Variants in REV1 observed in about 807,000 individuals in gnomAD.
The protein encoded by REV1 is REV1 DNA directed polymerase.
Under a neutral mutation model 137.4 loss-of-function variants are expected in REV1, and 42 were observed. The ratio of observed to expected loss-of-function variants is 0.31; its 90% CI spans 0.24 to 0.40. The LOEUF (loss-of-function observed/expected upper bound fraction) is 0.40. Among genes scored for constraint, REV1 ranks in the 10% least tolerant of loss-of-function variants. The probability of loss-of-function intolerance (pLI) is 1.00; values close to 1 mark genes in which losing one functional copy is unlikely to be tolerated. For missense variants in REV1, 1,282 were observed against 1,490.1 expected, an observed-to-expected ratio of 0.86 and a Z score of 2.30; for synonymous variants, 524 against 519.2, an observed-to-expected ratio of 1.01 and a Z score of -0.12.
intron 14 of REV1, among the ~76,000 whole-genome samples, chr2:99,409,880 G>A (rs1387247855): frequency 5.5e-5 from 7 of 126,964 alleles, no homozygotes; most frequent in African/African-American, 8.8e-5. Context: ...AAAAAACAGC[G>A]TTTTTAAATG....
chr2:99,486,632 A>G (rs754941490), intron 1 of REV1, among the ~76,000 whole-genome samples: 10 of 152,262 alleles, frequency 6.6e-5, no homozygotes, highest in Non-Finnish European at 1.3e-4. Flanking sequence ...CATCCTACAG[A>G]TGAGCAGAAC....
In REV1 at chr2:99,487,647, A is replaced by C. The variant is rs1378318407; in HGVS notation, c.-11+2170T>G. ...GTTGGTGCTATTATAGTAAAAAAAAACTTTTCATTTTTAAATGTTCTGTTT... is the reference window on the plus strand; with the variant it reads ...GTTGGTGCTATTATAGTAAAAAAAACCTTTTCATTTTTAAATGTTCTGTTT... On this transcript the variant is annotated intron_variant, in intron 1 of 22. Transcript: ENST00000258428. Among the ~76,000 whole-genome samples, 24 of 119,088 alleles carry C rather than the reference A, an allele frequency of 2.0e-4. 7 individuals carry two copies. The highest frequency in any genetic ancestry group is 6.6e-4 in the African/African-American group (22 of 33,340). 78.1% of individuals were successfully genotyped at this position (119,088 alleles called of 152,430 possible). A position where few individuals can be genotyped will look rare whatever the true frequency, so the allele number is the denominator to read the frequency against.
At chr2:99,456,571 C>T (rs1362477120) in intron 3 of REV1, among the ~76,000 whole-genome samples, 1 of 152,180 alleles carries the variant, frequency 6.6e-6, no homozygotes, top group East Asian at 1.9e-4. Context: ...GGTGTTATCT[C>T]TAATCCATGT....
At chr2:99,422,772 T>C (rs1395465435) in intron 10 of REV1, among the ~76,000 whole-genome samples, 1 of 152,136 alleles carries the variant, frequency 6.6e-6, no homozygotes, top group Non-Finnish European at 1.5e-5. Context: ...CGTGTGCATG[T>C]GACTGTGTAG....
Position 99,403,126 on chromosome 2 carries a change from A to G in REV1, c.3167-20T>C. On this transcript the variant is annotated intron_variant, in intron 19 of 22. Coordinates refer to ENST00000258428, the MANE Select transcript of REV1 (RefSeq NM_016316.4). Reference sequence around the variant, plus strand: ...TTGGCACTAAGAGCAGATGGATATAAGATCCTCAACAAAATGATAGTATGG... The same window carrying G: ...TTGGCACTAAGAGCAGATGGATATAGGATCCTCAACAAAATGATAGTATGG... The G allele has an allele frequency of 1.3e-6, 2 of 1,539,518 alleles. No homozygotes were observed. The highest frequency in any genetic ancestry group is 1.8e-6 in the Non-Finnish European group (2 of 1,138,476).
intron 3 of REV1, among the ~76,000 whole-genome samples, chr2:99,459,355 T>C (rs966889949): frequency 6.6e-6 from 1 of 152,208 alleles, no homozygotes; most frequent in Non-Finnish European, 1.5e-5. Flanking sequence ...AGTATCACTA[T>C]GTGCTATGTC....
chr2:99,460,745 T>C (rs1670522866), intron 3 of REV1, among the ~76,000 whole-genome samples: 1 of 152,180 alleles, frequency 6.6e-6, no homozygotes, highest in Non-Finnish European at 1.5e-5. Flanking sequence ...TGTACAGTTA[T>C]AATGAAATCT....
rs373922489 is a variant in REV1 at position 99,402,739 on chromosome 2, G to A, written c.3446C>T (p.Ala1149Val). Residue 1149 changes from alanine (A) to valine (V), a missense_variant, in exon 21 of 23, where the codon GCT (alanine) becomes GTT (valine). Around this residue, in one of 7 missense-constraint regions of REV1, gnomAD observed 170 missense variants for 156.8 expected, o/e 1.08. Transcript: ENST00000258428. ...PGLSSLQSDP[A>V]GCVRPPAPNL... ...GGGTGCTGGAGGTCTCACACAGCCA[G>A]CTGGGTCAGACTGCAAACTAGAAAG... is the stretch of plus-strand genomic sequence containing the variant. 9 of 1,614,176 alleles carry A rather than the reference G, an allele frequency of 5.6e-6. No homozygotes were observed. Among genetic ancestry groups the A allele is most frequent in the Non-Finnish European group, 7.6e-6 (9 of 1,180,012 alleles).
intron 1 of REV1, among the ~76,000 whole-genome samples, chr2:99,485,859 T>G (rs1687070855): frequency 6.6e-6 from 1 of 152,230 alleles, no homozygotes; most frequent in African/African-American, 2.4e-5. Context: ...CTCACACTTG[T>G]AATCCCACCA....
intron 22 of REV1, among the ~76,000 whole-genome samples, 176 bp from the exon 23 acceptor site, chr2:99,401,528 C>T (rs1675410971): frequency 1.3e-5 from 2 of 151,924 alleles, no homozygotes. Flanking sequence ...GGGCGGATCA[C>T]CTGAGGTCAG....
At chr2:99,456,171 G>A (rs1274337899) in intron 3 of REV1, among the ~76,000 whole-genome samples, 1 of 152,156 alleles carries the variant, frequency 6.6e-6, no homozygotes, top group South Asian at 2.1e-4. Context: ...TTTAGCATCT[G>A]AGTGAAAATA....
intron 9 of REV1, chr2:99,424,852 T>C (rs1378078086): frequency 6.1e-6 from 8 of 1,304,182 alleles, no homozygotes; most frequent in South Asian, 3.7e-5. Context: ...TTGTACATGG[T>C]AGGACATCAC....
rs537378948 is a variant in REV1 at position 99,438,989 on chromosome 2, A to G, written c.825T>C (p.Thr275=). 6.2e-7 allele frequency: 1 copy of G among 1,614,188 alleles called. No homozygotes were observed. Among genetic ancestry groups the G allele is most frequent in the Non-Finnish European group, 8.5e-7 (1 of 1,180,038 alleles). ...TGGTGCTTTGCTGCAACTGCTGCAGAGTGCAGTCTCTGAAATCAGTGCTGC... is the reference window on the plus strand; with the variant it reads ...TGGTGCTTTGCTGCAACTGCTGCAGGGTGCAGTCTCTGAAATCAGTGCTGC... ...EKSSTDFRDC[T]LQQLQQSTRN... is the part of the protein sequence containing the mutation. Residue 275 remains threonine, a synonymous_variant, in exon 6 of 23, where the codon ACT becomes ACC. Transcript: ENST00000258428.
intron 2 of REV1, among the ~76,000 whole-genome samples, chr2:99,463,596 T>C (rs1244454900): frequency 1.3e-5 from 2 of 152,162 alleles, no homozygotes; most frequent in African/African-American, 4.8e-5. Flanking sequence ...TTTAAACCAA[T>C]TACAAATTTG....
At chr2:99,483,959 C>T (rs761038922) in intron 1 of REV1, among the ~76,000 whole-genome samples, 4 of 152,106 alleles carry the variant, frequency 2.6e-5, no homozygotes, top group Non-Finnish European at 4.4e-5. Context: ...AAGCCAATAA[C>T]TCATAATTTA....
chr2:99,449,563 T>G (rs1274870119), intron 3 of REV1, 59 bp from the exon 4 acceptor site: 1 of 836,568 alleles, frequency 1.2e-6, no homozygotes, highest in Non-Finnish European at 1.7e-6. Context: ...AGAACCCTAA[T>G]GAATAACTCC....
chr2:99,481,802 G>C (rs1010608721), intron 1 of REV1, among the ~76,000 whole-genome samples: 5 of 152,206 alleles, frequency 3.3e-5, no homozygotes, highest in Non-Finnish European at 5.9e-5. Context: ...CTGAAAGCTG[G>C]AGGCTACAGT....
chr2:99,458,074 A>G (rs1683735555), intron 3 of REV1, among the ~76,000 whole-genome samples: 1 of 152,224 alleles, frequency 6.6e-6, no homozygotes, highest in South Asian at 2.1e-4. Context: ...TGCAAGCACA[A>G]TCCATAAAAG....
At chr2:99,473,090 G>A (rs1685590976) in intron 1 of REV1, among the ~76,000 whole-genome samples, 1 of 152,154 alleles carries the variant, frequency 6.6e-6, no homozygotes, top group African/African-American at 2.4e-5. Flanking sequence ...AAAAGGCCGG[G>A]CCTGGTGGCT....
Sources: allele counts gnomAD v4.1 joint callset (sites outside exome capture counted in the v4.1 genomes callset), GRCh38; gene constraint gnomAD v4.1.1; regional missense constraint gnomAD v4.1.1; transcripts MANE v1.5; gene names NCBI Gene and HGNC (gene_info 2026-07-23, HGNC 2026-07-21).